KIF5A: variants seen among roughly 807,000 people sequenced by gnomAD.
The protein encoded by KIF5A is kinesin family member 5A, also known as kinesin heavy chain isoform 5A.
A neutral mutation model predicts 141.3 loss-of-function variants in KIF5A; 35 were observed. That is an observed-to-expected ratio of 0.25 (90% CI 0.19 to 0.33). KIF5A has a LOEUF of 0.33. Among genes scored for constraint, KIF5A ranks in the 10% least tolerant of loss-of-function variants. The pLI, the probability that KIF5A is intolerant of heterozygous loss-of-function variation, is 1.00. For synonymous variants in KIF5A, 448 were observed against 500.2 expected (o/e 0.90, Z 1.39); for missense variants, 861 against 1,314.3 (o/e 0.66, Z 5.33).
intron 1 of KIF5A, among the ~76,000 whole-genome samples, chr12:57,560,920 G>A (rs987714732): frequency 2.0e-5 from 3 of 152,094 alleles, no homozygotes; most frequent in Non-Finnish European, 2.9e-5. Context: ...GGCCTGGGAG[G>A]TTGCAGCTGC....
intron 20 of KIF5A, 30 bp downstream of exon 20, chr12:57,576,892 A>G: frequency 6.6e-7 from 1 of 1,525,344 alleles, no homozygotes; most frequent in South Asian, 1.1e-5. Context: ...CTGTAAAACT[A>G]CAGCCTTGTA....
At chr12:57,567,249 G>T in intron 7 of KIF5A, 36 bp downstream of exon 7, 1 of 1,512,774 alleles carries the variant, frequency 6.6e-7, no homozygotes, top group Non-Finnish European at 9.2e-7. Context: ...TCGAGTCTGA[G>T]GATCCACTTG....
Position 57,563,423 on chromosome 12 carries a change from T to C in KIF5A, c.130-16T>C, listed in dbSNP as rs1881971099. On this transcript the variant is annotated splice_polypyrimidine_tract_variant and intron_variant, in intron 1 of 28. Coordinates refer to ENST00000455537, the MANE Select transcript of KIF5A (RefSeq NM_004984.4). Reference sequence around the variant, plus strand: ...TCCTGCCTGTTGACGTCTGATATCTTTTATTTTCATTCCAGGGGAAGCCAT... The same window carrying C: ...TCCTGCCTGTTGACGTCTGATATCTCTTATTTTCATTCCAGGGGAAGCCAT... 1 of 1,595,016 alleles carries C rather than the reference T, an allele frequency of 6.3e-7. No homozygotes were observed. The highest frequency in any genetic ancestry group is 1.7e-5 in the Admixed American group (1 of 59,994).
At position 57,570,009 on chromosome 12, in the gene KIF5A, G is replaced by C. The variant is rs866804200; in HGVS notation, c.1140G>C (p.Glu380Asp). Residue 380 changes from glutamate to aspartate, a missense_variant, in exon 12 of 29, where the codon GAG becomes GAC. Around this residue, in one of 5 missense-constraint regions of KIF5A, gnomAD observed 167 missense variants for 192.0 expected, o/e 0.87. Transcript: ENST00000455537. ...WRNGENVPET[E>D]RLAGEEAALG... ...CAGGAGAGAATGTGCCTGAGACAGAGCGCCTGGCTGGGGAGGAGGCAGCCC... is the reference window on the plus strand; with the variant it reads ...CAGGAGAGAATGTGCCTGAGACAGACCGCCTGGCTGGGGAGGAGGCAGCCC... 1 of 1,613,696 alleles carries C rather than the reference G, an allele frequency of 6.2e-7. No individual in the cohort carries two copies. The highest frequency in any genetic ancestry group is 1.7e-4 in the Middle Eastern group (1 of 6,046).
chr12:57,550,457 C>T lies in KIF5A; in HGVS notation c.129+57C>T, dbSNP rs1881535450. The T allele has an allele frequency of 1.9e-6, 3 of 1,586,456 alleles. No individual in the cohort carries two copies. In the East Asian group the frequency reaches 6.7e-5, roughly 36 times the overall value. On this transcript the variant is annotated intron_variant, in intron 1 of 28. Transcript: ENST00000455537. This position sits in a 1 kb window ranked among gnomAD's most constrained non-coding sequence, Gnocchi z 4.6. Reference sequence around the variant, plus strand: ...GGGGCAGGTGGCTGAATCTCCCCGCCCCCCGCAGAGCCTTAGTCTCTGCTG... The same window carrying T: ...GGGGCAGGTGGCTGAATCTCCCCGCTCCCCGCAGAGCCTTAGTCTCTGCTG...
At chr12:57,560,629 T>C (rs1489104240) in intron 1 of KIF5A, among the ~76,000 whole-genome samples, 1 of 152,224 alleles carries the variant, frequency 6.6e-6, no homozygotes, top group Non-Finnish European at 1.5e-5. Flanking sequence ...TGAACATTTA[T>C]ATTTCTTCTT....
At position 57,564,137 on chromosome 12, in the gene KIF5A, A is replaced by C; in HGVS notation, c.321A>C (p.Gly107=). The change falls in exon 4 of 29, where the codon GGA becomes GGC. Residue 107 remains glycine, a synonymous_variant. Transcript: ENST00000455537. ...AGCTGCACGACCCTCAGCTGATGGG[A>C]ATCATTCCTCGAATTGCCCGAGACA... ...EGKLHDPQLM[G]IIPRIARDIF... is the part of the protein sequence containing the mutation. 6.2e-6 allele frequency: 10 copies of C among 1,614,028 alleles called. No individual in the cohort carries two copies. Among genetic ancestry groups the C allele is most frequent in the Non-Finnish European group, 6.8e-6 (8 of 1,179,922 alleles).
rs1188692048 is a variant in KIF5A, at chr12:57,581,475, G to A, written c.2816G>A (p.Arg939Gln). 5.0e-6 allele frequency: 8 copies of A among 1,613,734 alleles called. No individual in the cohort carries two copies. The highest frequency in any genetic ancestry group is 3.3e-5 in the South Asian group (3 of 91,050). The stretch of plus-strand genomic sequence containing the variant: ...TCACCCACCAACCCCTATGGCACCC[G>A]GAGCCCTGAGTGCATCAGTTACACC... ...ASSPTNPYGT[R>Q]SPECISYTNS... is the part of the protein sequence containing the mutation. Residue 939 changes from arginine (R) to glutamine (Q), a missense_variant, in exon 25 of 29, where the codon CGG (arginine) becomes CAG (glutamine). Arg to Gln is a conservative substitution (Grantham distance 43, BLOSUM62 1). This residue lies in a region of KIF5A where 482 missense variants were observed against 661.3 expected (regional missense o/e 0.73). Transcript: ENST00000455537.
chr12:57,578,818 C>CT (rs1882506869), intron 23 of KIF5A, among the ~76,000 whole-genome samples: 1 of 152,114 alleles, frequency 6.6e-6, no homozygotes, highest in African/African-American at 2.4e-5. Flanking sequence ...AGTCCCAGCG[C>CT]TTCAGGAAGC....
chr12:57,583,220 C>T lies in KIF5A; in HGVS notation c.*36+5C>T, dbSNP rs775249. 418,387 of 1,559,036 alleles carry T rather than the reference C, an allele frequency of 0.27. 57,038 individuals carry two copies. Among genetic ancestry groups the T allele is most frequent in the Non-Finnish European group, 0.28 (319,958 of 1,134,848 alleles). The stretch of plus-strand genomic sequence containing the variant: ...GCTGCATACCTGCACTTTCAGGTAG[C>T]GTCAGGCTGCTTCCTCGGACCAGCC... On this transcript the variant is annotated splice_donor_5th_base_variant and intron_variant, in intron 28 of 28. Coordinates refer to ENST00000455537, the MANE Select transcript of KIF5A (RefSeq NM_004984.4).
chr12:57,561,171 C>T (rs1378535212), intron 1 of KIF5A, among the ~76,000 whole-genome samples: 1 of 151,906 alleles, frequency 6.6e-6, no homozygotes, highest in Admixed American at 6.6e-5. Context: ...TCCTGAGTAG[C>T]TGGAATTACA....
chr12:57,582,081 A>C (rs1327359254), intron 26 of KIF5A, 129 bp downstream of exon 26: 1 of 764,870 alleles, frequency 1.3e-6, no homozygotes, highest in Non-Finnish European at 2.3e-6. Context: ...CTTCAAATAA[A>C]AAAAAAAATA....
At chr12:57,569,894 A>G in intron 11 of KIF5A, 93 bp from the exon 12 acceptor site, 1 of 1,470,366 alleles carries the variant, frequency 6.8e-7, no homozygotes, top group Non-Finnish European at 9.2e-7. Context: ...CCACCTGGCA[A>G]GAGAGTTCAA....
In KIF5A at chr12:57,584,957, C is replaced by T. The variant is rs775251; in HGVS notation, c.*776C>T. Reference sequence around the variant, plus strand: ...CAGAGCTCATGACCAGAACCCAGAGCTGATTTAAAATATTTTGAAAAATGG... The same window carrying T: ...CAGAGCTCATGACCAGAACCCAGAGTTGATTTAAAATATTTTGAAAAATGG... On this transcript the variant is annotated 3_prime_UTR_variant, in exon 29 of 29. Transcript: ENST00000455537. 0.59 allele frequency: 89,635 copies of T among 151,930 alleles called. 27,932 individuals are homozygous for T. Among genetic ancestry groups the T allele is most frequent in the Middle Eastern group, 0.76 (224 of 294 alleles). The allele number at this position is 151,930 out of a possible 1,614,324, so 9.4% of individuals were successfully genotyped here.
Position 57,550,351 on chromosome 12 carries a change from G to C in KIF5A, c.80G>C (p.Gly27Ala). 2 of 1,614,212 alleles carry C rather than the reference G, an allele frequency of 1.2e-6. No homozygotes were observed. Among genetic ancestry groups the C allele is most frequent in the Non-Finnish European group, 1.7e-6 (2 of 1,180,028 alleles). ...RPLNQAEILRGDKFIPIFQGD... is the reference protein window; with the variant it reads ...RPLNQAEILRADKFIPIFQGD... ...CTGAACCAGGCTGAGATTCTGCGGG[G>C]AGACAAGTTCATCCCCATTTTCCAA... The change falls in exon 1 of 29, where the codon GGA (glycine) becomes GCA (alanine). Residue 27 changes from glycine (G) to alanine (A), a missense_variant. Physicochemically the swap from Gly to Ala is moderately conservative, Grantham distance 60. Coordinates refer to ENST00000455537, the MANE Select transcript of KIF5A (RefSeq NM_004984.4). The surrounding 1 kb of genome is among the most constrained non-coding windows in gnomAD (Gnocchi z 4.6).
At chr12:57,576,016 C>G (rs1882412166) in intron 17 of KIF5A, 71 bp from the exon 18 acceptor site, 2 of 1,462,112 alleles carry the variant, frequency 1.4e-6, no homozygotes, top group African/African-American at 1.4e-5. Context: ...GCCTGGAGTT[C>G]TGGTCACAAC....
At position 57,585,180 on chromosome 12, in the gene KIF5A, G is replaced by A. The variant is rs1053317463; in HGVS notation, c.*999G>A. The A allele has an allele frequency of 2.6e-5, 4 of 153,982 alleles. No homozygotes were observed. Among genetic ancestry groups the A allele is most frequent in the Middle Eastern group, 1.2e-3 (2 of 1,630 alleles). The allele number at this position is 153,982 out of a possible 1,614,324, so 9.5% of individuals were successfully genotyped here. On this transcript the variant is annotated 3_prime_UTR_variant, in exon 29 of 29. Coordinates refer to ENST00000455537, the MANE Select transcript of KIF5A (RefSeq NM_004984.4). ...GGATTTCTTTCTTGTTCCATACTGG[G>A]CGGCATGCTCCTCCCATCTCCACCC... is the stretch of plus-strand genomic sequence containing the variant.
At chr12:57,556,729 T>C (rs796654958) in intron 1 of KIF5A, among the ~76,000 whole-genome samples, 1 of 151,604 alleles carries the variant, frequency 6.6e-6, no homozygotes, top group African/African-American at 2.4e-5. Flanking sequence ...GGCTTGAGAG[T>C]TACATTTAAT....
intron 4 of KIF5A, 103 bp downstream of exon 4, chr12:57,564,315 C>T (rs888200486): frequency 7.9e-5 from 86 of 1,093,820 alleles, no homozygotes; most frequent in South Asian, 1.0e-4. Flanking sequence ...ACTCCCTTTC[C>T]GGTTACCAGA....
Sources: allele counts gnomAD v4.1 joint callset (sites outside exome capture counted in the v4.1 genomes callset), GRCh38; gene constraint gnomAD v4.1.1; regional missense constraint gnomAD v4.1.1; non-coding constraint Gnocchi (gnomAD v3.1); transcripts MANE v1.5; gene names NCBI Gene and HGNC (gene_info 2026-07-23, HGNC 2026-07-21).